Variants in TBATA observed in about 807,000 individuals in gnomAD.
TBATA encodes protein TBATA.
In TBATA, 47 loss-of-function variants were observed where a neutral mutation model predicts 38.7. The observed-to-expected ratio is 1.21, with a 90% confidence interval of 0.96 to 1.55. TBATA has a LOEUF of 1.55. TBATA is among the 40% of genes most tolerant of loss of function. The pLI is 0.00. For synonymous variants in TBATA, 183 were observed against 170.5 expected, an observed-to-expected ratio of 1.07 and a Z score of -0.57; for missense variants, 436 against 435.6, an observed-to-expected ratio of 1.00 and a Z score of -0.01.
At position 70,779,704 on chromosome 10, in the gene TBATA, GA is replaced by G; in HGVS notation, c.315del (p.Pro106GlnfsTer44). ...TGKPVCVVRD[F>X]PAPLPESTVF... ...ACAGTTGACTCAGGCAAGGGGGCTG[GA>G]AAATCCCTGACGACACAGACAGGCT... On this transcript the variant is annotated frameshift_variant, in exon 5 of 11. Coordinates refer to ENST00000456372, the MANE Select transcript of TBATA (RefSeq NM_001318241.2). LOFTEE classifies it high-confidence loss of function. The G allele has an allele frequency of 1.3e-6, 2 of 1,537,428 alleles. No homozygotes were observed. Among genetic ancestry groups the G allele is most frequent in the Admixed American group, 2.3e-5 (1 of 42,724 alleles).
At chr10:70,772,484 C>A in intron 10 of TBATA, 30 bp downstream of exon 10, 7 of 1,612,220 alleles carry the variant, frequency 4.3e-6, no homozygotes, top group Non-Finnish European at 5.9e-6. Context: ...TTGGTGAGTC[C>A]CCCAAATGAC....
At chr10:70,775,366 A>G in intron 7 of TBATA, 96 bp from the exon 8 acceptor site, 10 of 1,084,362 alleles carry the variant, frequency 9.2e-6, no homozygotes, top group East Asian at 2.4e-5. Flanking sequence ...CCTTCCCCCA[A>G]AGTGGGCTCC....
chr10:70,772,950 C>T (rs182898230), intron 9 of TBATA, among the ~76,000 whole-genome samples: 1 of 152,198 alleles, frequency 6.6e-6, no homozygotes, highest in African/African-American at 2.4e-5. Flanking sequence ...AAGAACCCTG[C>T]GTCTTGAATG....
At chr10:70,774,569 T>A (rs1310391221) in intron 8 of TBATA, among the ~76,000 whole-genome samples, 3 of 152,102 alleles carry the variant, frequency 2.0e-5, no homozygotes, top group African/African-American at 7.2e-5. Flanking sequence ...CACATGAGGA[T>A]GTGTACGCCT....
At chr10:70,771,752 C>T (rs969348239) in intron 10 of TBATA, among the ~76,000 whole-genome samples, 48 of 152,150 alleles carry the variant, frequency 3.2e-4, no homozygotes, top group African/African-American at 1.1e-3. Context: ...GAATAATATA[C>T]ATTGAGGATG....
chr10:70,775,328 A>C, intron 7 of TBATA, 58 bp from the exon 8 acceptor site: 4 of 1,507,640 alleles, frequency 2.7e-6, no homozygotes, highest in Non-Finnish European at 3.7e-6. Context: ...GTACAGGCAA[A>C]TGTAGGTTTG....
chr10:70,775,312 C>G (rs746279661), intron 7 of TBATA, 42 bp from the exon 8 acceptor site: 11 of 1,560,588 alleles, frequency 7.0e-6, no homozygotes, highest in South Asian at 3.3e-5. Context: ...GGAGTACAGG[C>G]AAGGAGTACA....
Position 70,774,374 on chromosome 10 carries a change from G to C in TBATA, c.776-17C>G. 6.4e-7 allele frequency: 1 copy of C among 1,572,778 alleles called. No homozygotes were observed. Among genetic ancestry groups the C allele is most frequent in the Non-Finnish European group, 8.6e-7 (1 of 1,159,176 alleles). ...GGTCTTTTTCTGAAAGCACAGCCCGGGGGCAGTGTCCTCAGCCCCCAGCCC... is the reference window on the plus strand; with the variant it reads ...GGTCTTTTTCTGAAAGCACAGCCCGCGGGCAGTGTCCTCAGCCCCCAGCCC... On this transcript the variant is annotated splice_polypyrimidine_tract_variant and intron_variant, in intron 8 of 10. Transcript: ENST00000456372.
At chr10:70,776,626 C>A (rs1843438278) in intron 7 of TBATA, among the ~76,000 whole-genome samples, 1 of 152,196 alleles carries the variant, frequency 6.6e-6, no homozygotes, top group African/African-American at 2.4e-5. Context: ...TCTTGGAGGA[C>A]ATCCGTGCAT....
intron 2 of TBATA, among the ~76,000 whole-genome samples, 198 bp downstream of exon 2, chr10:70,784,449 G>A (rs895641902): frequency 3.3e-5 from 5 of 152,190 alleles, no homozygotes; most frequent in African/African-American, 9.7e-5. Flanking sequence ...AAGTGCTAGG[G>A]ATGGGGTTGG....
At chr10:70,775,369 T>G (rs1843263825) in intron 7 of TBATA, 99 bp from the exon 8 acceptor site, 2 of 1,054,876 alleles carry the variant, frequency 1.9e-6, no homozygotes, top group African/African-American at 3.1e-5. Context: ...TCCCCCAAAG[T>G]GGGCTCCCAG....
In TBATA at chr10:70,779,680, C is replaced by T; in HGVS notation, c.340G>A (p.Val114Ile). 1.3e-6 allele frequency: 2 copies of T among 1,535,820 alleles called. No individual in the cohort carries two copies. Among genetic ancestry groups the T allele is most frequent in the South Asian group, 1.3e-5 (1 of 78,920 alleles). Residue 114 changes from valine to isoleucine, a missense_variant, in exon 5 of 11, where the codon GTC becomes ATC. Val to Ile is a conservative substitution (Grantham distance 29, BLOSUM62 3). Coordinates refer to ENST00000456372, the MANE Select transcript of TBATA (RefSeq NM_001318241.2). ...DFPAPLPEST[V>I]FSGCQMGIPT... Reference sequence around the variant, plus strand: ...ATCCCCATTTGACAGCCGGAAAAGACAGTTGACTCAGGCAAGGGGGCTGGA... The same window carrying T: ...ATCCCCATTTGACAGCCGGAAAAGATAGTTGACTCAGGCAAGGGGGCTGGA...
At position 70,779,641 on chromosome 10, in the gene TBATA, C is replaced by T; in HGVS notation, c.379G>A (p.Val127Ile). The change falls in exon 5 of 11, where the codon GTC (valine) becomes ATC (isoleucine). Residue 127 changes from valine to isoleucine, a missense_variant. By Grantham distance (29) the Val-to-Ile change is conservative. Transcript: ENST00000456372. ...TTAGACTGTGGGTCTCCAATGGGGACAGAGATGGTGGGTATCCCCATTTGA... is the reference window on the plus strand; with the variant it reads ...TTAGACTGTGGGTCTCCAATGGGGATAGAGATGGTGGGTATCCCCATTTGA... ...GCQMGIPTISVPIGDPQSNRN... is the reference protein window; with the variant it reads ...GCQMGIPTISIPIGDPQSNRN... 6.5e-7 allele frequency: 1 copy of T among 1,530,340 alleles called. No homozygotes were observed. Among genetic ancestry groups the T allele is most frequent in the Non-Finnish European group, 8.7e-7 (1 of 1,148,110 alleles). The allele number at this position is 1,530,340 out of a possible 1,614,324, so 94.8% of individuals were successfully genotyped here.
In TBATA at chr10:70,774,323, T is replaced by C; in HGVS notation, c.810A>G (p.Ala270=). Residue 270 remains alanine, a synonymous_variant, in exon 9 of 11, where the codon GCA becomes GCG. Transcript: ENST00000456372. Reference sequence around the variant, plus strand: ...GGGGCTGGGGAAGGAGCTGAGCCACTGCTGTCTGCAGGAGTCCCAGAGCGA... The same window carrying C: ...GGGGCTGGGGAAGGAGCTGAGCCACCGCTGTCTGCAGGAGTCCCAGAGCGA... The part of the protein sequence containing the change: ...KDLALGLLQT[A]VAQLLPQPLV... 1 of 1,605,220 alleles carries C rather than the reference T, an allele frequency of 6.2e-7. No homozygotes were observed. Among genetic ancestry groups the C allele is most frequent in the South Asian group, 1.1e-5 (1 of 88,808 alleles).
rs1190952860 is a variant in TBATA at position 70,771,252 on chromosome 10, G to A, written c.*124C>T. ...GAACTGTCCTCTCTCAGGGAAGACG[G>A]TTTTATTTAGTAAGAGTTTTCACGG... is the stretch of plus-strand genomic sequence containing the variant. On this transcript the variant is annotated 3_prime_UTR_variant, in exon 11 of 11. Transcript: ENST00000456372. 6.3e-7 allele frequency: 1 copy of A among 1,599,078 alleles called. No homozygotes were observed.
chr10:70,772,599 G>A lies in TBATA; in HGVS notation c.921-33C>T, dbSNP rs762376436. The A allele has an allele frequency of 4.3e-6, 7 of 1,613,246 alleles. No individual in the cohort carries two copies. The Admixed American group carries it at 5.0e-5, about 12-fold the overall frequency. ...CAAATACAAAGAAGGGGCTGGGAAG[G>A]TCATGCTGGAAACCTGACCCCACGG... is the stretch of plus-strand genomic sequence containing the variant. On this transcript the variant is annotated intron_variant, in intron 9 of 10. Transcript: ENST00000456372.
At chr10:70,772,203 C>T (rs1417923638) in intron 10 of TBATA, 1 of 565,376 alleles carries the variant, frequency 1.8e-6, no homozygotes, top group African/African-American at 1.9e-5. Flanking sequence ...TTGTTATTCT[C>T]CTTACAGTAT....
At chr10:70,779,470 C>T in intron 5 of TBATA, 123 bp downstream of exon 5, 1 of 1,167,408 alleles carries the variant, frequency 8.6e-7, no homozygotes, top group East Asian at 2.9e-5. Context: ...AGTGGGGTTC[C>T]CCCAACGGAC....
At chr10:70,782,430 C>T (rs2132978335) in intron 3 of TBATA, 4 of 1,297,026 alleles carry the variant, frequency 3.1e-6, no homozygotes, top group Non-Finnish European at 4.0e-6. Context: ...TCAACAGGGG[C>T]CTCTCCCCAA....
Sources: allele counts gnomAD v4.1 joint callset (sites outside exome capture counted in the v4.1 genomes callset), GRCh38; gene constraint gnomAD v4.1.1; transcripts MANE v1.5; gene names NCBI Gene and HGNC (gene_info 2026-07-23, HGNC 2026-07-21).